Variants in BDP1 observed in about 807,000 individuals in gnomAD.
BDP1 encodes the protein BDP1 general transcription factor IIIB subunit.
In BDP1, 169 loss-of-function variants were observed where a neutral mutation model predicts 266.6. The observed-to-expected ratio is 0.63, with a 90% CI of 0.56 to 0.72. The LOEUF is 0.72. Among genes scored for constraint, BDP1 ranks in the 30% least tolerant of loss-of-function variants. The pLI is 0.00. For missense variants in BDP1, 3,015 were observed against 3,053.8 expected (o/e 0.99, Z 0.30); for synonymous variants, 1,090 against 1,022.4 (o/e 1.07, Z -1.26).
At chr5:71,459,254 G>T (rs148998580) in intron 2 of BDP1, among the ~76,000 whole-genome samples, 4,323 of 152,316 alleles carry the variant, frequency 0.028, 107 homozygotes, top group South Asian at 0.049. Flanking sequence ...GCTCATGCCT[G>T]TAATCCCAGC....
rs372988058 is a variant in BDP1, at chr5:71,522,430, A to G, written c.5133A>G (p.Glu1711=). The change falls in exon 23 of 39, where the codon GAA becomes GAG. Residue 1711 remains glutamate (E), a synonymous_variant. Transcript: ENST00000358731. ...AAGTCACAACAGATCAGAGCAAGGAAGGCAAGCCAGAAGATCATTTGCTGC... is the reference window on the plus strand; with the variant it reads ...AAGTCACAACAGATCAGAGCAAGGAGGGCAAGCCAGAAGATCATTTGCTGC... ...LEKVTTDQSK[E]GKPEDHLLQK... The G allele has an allele frequency of 5.0e-6, 8 of 1,613,876 alleles. No homozygotes were observed. The highest frequency in any genetic ancestry group is 5.9e-6 in the Non-Finnish European group (7 of 1,179,964).
chr5:71,456,015 G>A lies in BDP1; in HGVS notation c.138G>A (p.Lys46=), dbSNP rs778973914. ...ATCCTGCCACGGACTCTGCTTCCAAGCCCGCGGAGCCCACAGATGTGCCCA... is the reference window on the plus strand; with the variant it reads ...ATCCTGCCACGGACTCTGCTTCCAAACCCGCGGAGCCCACAGATGTGCCCA... ...PPDPATDSAS[K]PAEPTDVPTV... is the part of the protein sequence containing the mutation. The change falls in exon 1 of 39, where the codon AAG becomes AAA. Residue 46 remains lysine, a synonymous_variant. Coordinates refer to ENST00000358731, the MANE Select transcript of BDP1 (RefSeq NM_018429.3). 1 of 1,613,622 alleles carries A rather than the reference G, an allele frequency of 6.2e-7. No homozygotes were observed. Among genetic ancestry groups the A allele is most frequent in the East Asian group, 2.2e-5 (1 of 44,884 alleles).
Position 71,515,036 on chromosome 5 carries a change from G to A in BDP1, c.4563G>A (p.Arg1521=). 1 of 1,613,082 alleles carries A rather than the reference G, an allele frequency of 6.2e-7. No individual in the cohort carries two copies. Among genetic ancestry groups the A allele is most frequent in the South Asian group, 1.1e-5 (1 of 90,924 alleles). Residue 1521 remains arginine, a synonymous_variant, in exon 20 of 39, where the codon AGG becomes AGA. Coordinates refer to ENST00000358731, the MANE Select transcript of BDP1 (RefSeq NM_018429.3). Reference sequence around the variant, plus strand: ...TATTGCCATGTACACAGACTGAAAGGAACCTTTCACCTTCAAATTCTTGTG... The same window carrying A: ...TATTGCCATGTACACAGACTGAAAGAAACCTTTCACCTTCAAATTCTTGTG... The part of the protein sequence containing the change: ...AVILPCTQTE[R]NLSPSNSCEP...
intron 24 of BDP1, among the ~76,000 whole-genome samples, chr5:71,523,662 G>GT (rs930621031): frequency 1.2e-4 from 19 of 152,124 alleles, no homozygotes; most frequent in African/African-American, 4.3e-4. Flanking sequence ...TCAGTTTTGT[G>GT]TTTATTTTAT....
At position 71,504,611 on chromosome 5, in the gene BDP1, T is replaced by G; in HGVS notation, c.2242-10T>G. 6.3e-7 allele frequency: 1 copy of G among 1,593,822 alleles called. No individual in the cohort carries two copies. Among genetic ancestry groups the G allele is most frequent in the Non-Finnish European group, 8.5e-7 (1 of 1,172,474 alleles). ...ACCTAAAACATTAGAAAAATTTGTT[T>G]GTTTTTAAGACTCCTCAACACATGG... is the stretch of plus-strand genomic sequence containing the variant. On this transcript the variant is annotated splice_polypyrimidine_tract_variant and intron_variant, in intron 15 of 38. Transcript: ENST00000358731.
chr5:71,508,818 C>CT (rs1211360658), intron 16 of BDP1, among the ~76,000 whole-genome samples: 2 of 152,204 alleles, frequency 1.3e-5, no homozygotes, highest in African/African-American at 4.8e-5. Flanking sequence ...GAGCAAGGTG[C>CT]TTGCTTTGGA....
chr5:71,573,258 A>G, the BDP1 span, among the ~76,000 whole-genome samples: 1 of 151,850 alleles, frequency 6.6e-6, no homozygotes, highest in Non-Finnish European at 1.5e-5. Context: ...AAAGAAAAGA[A>G]AAAACAGGAG....
At position 71,509,874 on chromosome 5, in the gene BDP1, G is replaced by T. The variant is rs560992173; in HGVS notation, c.2782G>T (p.Asp928Tyr). The change falls in exon 17 of 39, where the codon GAT (aspartate) becomes TAT (tyrosine). Residue 928 changes from aspartate to tyrosine, a missense_variant. Transcript: ENST00000358731. ...VIDATEEIDK[D>Y]LEEAGRREIS... is the part of the protein sequence containing the mutation. ...TGATGCCACTGAGGAAATAGACAAA[G>T]ATTTGGAAGAAGCTGGAAGAAGAGA... is the stretch of plus-strand genomic sequence containing the variant. 1.2e-5 allele frequency: 20 copies of T among 1,613,842 alleles called. No individual in the cohort carries two copies. In the South Asian group the frequency reaches 2.2e-4, roughly 18 times the overall value.
At position 71,552,348 on chromosome 5, in the gene BDP1, C is replaced by T. The variant is rs1235819369; in HGVS notation, c.6996-768C>T. 2.6e-5 allele frequency among the ~76,000 whole-genome samples: 4 copies of T among 151,132 alleles called. 1 individual carries two copies. The highest frequency in any genetic ancestry group is 2.0e-4 in the Admixed American group (3 of 15,180). The stretch of plus-strand genomic sequence containing the variant: ...CTCACTTCCTAGATGGGATGGCCGC[C>T]GGGCAGAGACGCTCCTCACTTTCCA... On this transcript the variant is annotated intron_variant, in intron 34 of 38. Coordinates refer to ENST00000358731, the MANE Select transcript of BDP1 (RefSeq NM_018429.3).
chr5:71,518,425 G>A (rs1765331921), intron 22 of BDP1, among the ~76,000 whole-genome samples: 1 of 152,190 alleles, frequency 6.6e-6, no homozygotes, highest in East Asian at 1.9e-4. Context: ...GTCAAAACAG[G>A]TGCTATTGAT....
In BDP1 at chr5:71,495,377, G is replaced by T; in HGVS notation, c.1768G>T (p.Glu590Ter). The T allele has an allele frequency of 6.3e-7, 1 of 1,584,032 alleles. No homozygotes were observed. Among genetic ancestry groups the T allele is most frequent in the Non-Finnish European group, 8.6e-7 (1 of 1,165,062 alleles). The change falls in exon 12 of 39, where the codon GAA becomes TAA. Residue 590 changes from glutamate to a stop codon, truncating the protein, a stop_gained. Coordinates refer to ENST00000358731, the MANE Select transcript of BDP1 (RefSeq NM_018429.3). LOFTEE classifies it high-confidence loss of function. ...VNNAEGSCIE[E>*]RNVDLKNNSL... ...TAATGCTGAGGGTAGTTGTATAGAA[G>T]AAAGAAATGTTGACCTAAAAAATAA...
chr5:71,489,363 T>C (rs780041787), intron 9 of BDP1, 41 bp from the exon 10 acceptor site: 3 of 1,484,492 alleles, frequency 2.0e-6, no homozygotes, highest in South Asian at 2.7e-5. Flanking sequence ...AATTTTTCTT[T>C]AGGTTGTTTA....
chr5:71,515,089 C>G lies in BDP1; in HGVS notation c.4616C>G (p.Pro1539Arg), dbSNP rs1156837823. 6.2e-7 allele frequency: 1 copy of G among 1,606,322 alleles called. No homozygotes were observed. Among genetic ancestry groups the G allele is most frequent in the Non-Finnish European group, 8.5e-7 (1 of 1,177,714 alleles). Residue 1539 changes from proline (P) to arginine (R), a missense_variant, in exon 20 of 39, where the codon CCA (proline) becomes CGA (arginine). Coordinates refer to ENST00000358731, the MANE Select transcript of BDP1 (RefSeq NM_018429.3). ...CEPKEESQSA[P>R]VQKNDSVVSV... ...CCTAAAGAGGAGTCTCAGTCAGCACCAGTCCAGAAAAATGACTCAGTTGTT... is the reference window on the plus strand; with the variant it reads ...CCTAAAGAGGAGTCTCAGTCAGCACGAGTCCAGAAAAATGACTCAGTTGTT...
intron 11 of BDP1, among the ~76,000 whole-genome samples, chr5:71,493,801 A>G (rs1763731736): frequency 1.3e-5 from 2 of 152,254 alleles, no homozygotes; most frequent in African/African-American, 2.4e-5. Flanking sequence ...AGAGACATTT[A>G]GGAATCTGTT....
intron 7 of BDP1, among the ~76,000 whole-genome samples, chr5:71,471,586 A>G (rs1412062582): frequency 6.6e-6 from 1 of 152,212 alleles, no homozygotes; most frequent in Non-Finnish European, 1.5e-5. Context: ...AGTGGCACTA[A>G]TAACAACAGT....
intron 1 of BDP1, among the ~76,000 whole-genome samples, 200 bp from the exon 2 acceptor site, chr5:71,458,379 A>G (rs1243499157): frequency 6.6e-6 from 1 of 152,106 alleles, no homozygotes; most frequent in African/African-American, 2.4e-5. Context: ...TTAAGAGTCT[A>G]TTAGAATTTA....
chr5:71,543,119 A>C (rs1448545094), intron 30 of BDP1, among the ~76,000 whole-genome samples: 1 of 152,142 alleles, frequency 6.6e-6, no homozygotes, highest in Non-Finnish European at 1.5e-5. Flanking sequence ...CCATCTCTAC[A>C]AAAGTACAAA....
chr5:71,477,297 C>T (rs540658515), intron 7 of BDP1, among the ~76,000 whole-genome samples: 36 of 151,840 alleles, frequency 2.4e-4, no homozygotes, highest in African/African-American at 7.7e-4. Context: ...CACAGGTGTG[C>T]GCTACTGTGC....
Position 71,548,712 on chromosome 5 carries a change from C to A in BDP1, c.6775C>A (p.Gln2259Lys). The A allele has an allele frequency of 6.2e-7, 1 of 1,607,848 alleles. No individual in the cohort carries two copies. The highest frequency in any genetic ancestry group is 8.5e-7 in the Non-Finnish European group (1 of 1,174,710). ...YTPTSIPEVQ[Q>K]ENIINPQDLT... ...ACCAACAAGTATTCCAGAAGTCCAA[C>A]AAGAGAATATAATCAATCCTCAAGA... Residue 2259 changes from glutamine (Q) to lysine (K), a missense_variant, in exon 33 of 39, where the codon CAA (glutamine) becomes AAA (lysine). Physicochemically the swap from Gln to Lys is moderately conservative, Grantham distance 53. This residue lies in a region of BDP1 where 629 missense variants were observed against 632.5 expected (regional missense o/e 0.99). Coordinates refer to ENST00000358731, the MANE Select transcript of BDP1 (RefSeq NM_018429.3).
Sources: gnomAD v4.1 joint callset for allele counts (sites outside exome capture counted in the v4.1 genomes callset) on GRCh38, gnomAD v4.1.1 for gene constraint, gnomAD v4.1.1 regional missense constraint, MANE v1.5 for transcripts, NCBI Gene and HGNC (gene_info 2026-07-23, HGNC 2026-07-21) for gene names.